The following FREM1 variants were observed in gnomAD, a reference collection of about 807,000 sequenced individuals.
FREM1 encodes FRAS1 related extracellular matrix 1, also known as FRAS1-related extracellular matrix protein 1.
A neutral mutation model predicts 210.1 loss-of-function variants in FREM1; 220 were observed. The ratio of observed to expected loss-of-function variants is 1.05; its 90% CI spans 0.94 to 1.17. FREM1 has a LOEUF of 1.17. Among genes scored for constraint, FREM1 ranks in the 50% most tolerant of loss-of-function variants. The pLI, the probability that FREM1 is intolerant of heterozygous loss-of-function variation, is 0.00. For missense variants in FREM1, 3,454 were observed against 2,675.5 expected, an observed-to-expected ratio of 1.29 and a Z score of -6.42; for synonymous variants, 1,189 against 980.2, an observed-to-expected ratio of 1.21 and a Z score of -3.98.
At chr9:14,802,022 G>T in intron 19 of FREM1, 148 bp from the exon 20 acceptor site, 2 of 555,196 alleles carry the variant, frequency 3.6e-6, no homozygotes, top group Middle Eastern at 4.7e-4. Flanking sequence ...AGAAATTGCT[G>T]GTTTAATATG....
Position 14,746,430 on chromosome 9 carries a change from C to G in FREM1, c.6177G>C (p.Gln2059His). Residue 2059 changes from glutamine to histidine, a missense_variant, in exon 35 of 37, where the codon CAG (glutamine) becomes CAC (histidine). Transcript: ENST00000380880. ...TCAAGATGTGACAGTAGCCTGAGTGCTGGTGCCACCCGGCTGGACAGGATT... is the reference window on the plus strand; with the variant it reads ...TCAAGATGTGACAGTAGCCTGAGTGGTGGTGCCACCCGGCTGGACAGGATT... ...EDKSCPAGWH[Q>H]HSGYCHILIT... 1 of 1,613,660 alleles carries G rather than the reference C, an allele frequency of 6.2e-7. No individual in the cohort carries two copies. Among genetic ancestry groups the G allele is most frequent in the Middle Eastern group, 1.7e-4 (1 of 6,050 alleles).
chr9:14,882,024 G>C lies in FREM1; in HGVS notation c.-267-12780C>G, dbSNP rs58000240. On this transcript the variant is annotated intron_variant, in intron 1 of 36. Coordinates refer to ENST00000380880, the MANE Select transcript of FREM1 (RefSeq NM_001379081.2). ...CCTGGGTCTCTGGGCCATTTGCAAA[G>C]CAGAACCACCATACCAGTCCATTCA... Among the ~76,000 whole-genome samples, 14 of 152,288 alleles carry C rather than the reference G, an allele frequency of 9.2e-5. No homozygotes were observed. The East Asian group carries it at 2.7e-3, about 29-fold the overall frequency.
chr9:14,848,849 C>A, intron 6 of FREM1, 76 bp from the exon 7 acceptor site: 1 of 812,146 alleles, frequency 1.2e-6, no homozygotes. Context: ...TGGGTTATAC[C>A]CACACACAGT....
chr9:14,753,780 T>C (rs1346219648), intron 29 of FREM1, among the ~76,000 whole-genome samples: 1 of 152,216 alleles, frequency 6.6e-6, no homozygotes, highest in Non-Finnish European at 1.5e-5. Flanking sequence ...CATGGAGAAC[T>C]TCAAAATTCT....
At chr9:14,757,042 C>G (rs754430100) in intron 28 of FREM1, among the ~76,000 whole-genome samples, 1 of 150,640 alleles carries the variant, frequency 6.6e-6, no homozygotes, top group Non-Finnish European at 1.5e-5. Context: ...TGGTGAACAA[C>G]CAGACAAAGG....
chr9:14,809,006 C>A (rs1186437705), intron 16 of FREM1, among the ~76,000 whole-genome samples: 6 of 152,206 alleles, frequency 3.9e-5, no homozygotes, highest in Non-Finnish European at 8.8e-5. Context: ...CCGCTCAAAT[C>A]TCATCTTGAA....
chr9:14,751,094 T>C (rs1014976451), intron 29 of FREM1, among the ~76,000 whole-genome samples: 1 of 152,166 alleles, frequency 6.6e-6, no homozygotes, highest in Non-Finnish European at 1.5e-5. Context: ...CCTGACCAGT[T>C]TCTATGATGT....
rs779344194 is a variant in FREM1 at position 14,851,338 on chromosome 9, C to G, written c.1098G>C (p.Met366Ile). The G allele has an allele frequency of 6.2e-7, 1 of 1,610,992 alleles. No homozygotes were observed. Among genetic ancestry groups the G allele is most frequent in the South Asian group, 1.1e-5 (1 of 90,792 alleles). The change falls in exon 6 of 37, where the codon ATG becomes ATC. Residue 366 changes from methionine (M) to isoleucine (I), a missense_variant. Met to Ile is a conservative substitution (Grantham distance 10). Transcript: ENST00000380880. The stretch of plus-strand genomic sequence containing the variant: ...TGTTTGGTGGCTGATAGGCGATCTG[C>G]ATGTCACTGAGATCTTTCCAGGTGA... ...SSFTWKDLSD[M>I]QIAYQPPNSS...
At chr9:14,771,545 T>C (rs1847578779) in intron 25 of FREM1, among the ~76,000 whole-genome samples, 1 of 152,120 alleles carries the variant, frequency 6.6e-6, no homozygotes, top group Admixed American at 6.5e-5. Flanking sequence ...GCTCAGTGCA[T>C]CTTGCATTTG....
chr9:14,769,013 G>A (rs1361794587), intron 27 of FREM1, among the ~76,000 whole-genome samples: 3 of 152,080 alleles, frequency 2.0e-5, no homozygotes, highest in Non-Finnish European at 2.9e-5. Context: ...GACTCTGACC[G>A]ACCTTTCTAT....
intron 1 of FREM1, among the ~76,000 whole-genome samples, chr9:14,897,739 C>T (rs1033910816): frequency 2.0e-5 from 3 of 152,016 alleles, no homozygotes; most frequent in Non-Finnish European, 4.4e-5. Flanking sequence ...TACAGGCACT[C>T]GCCACCATGC....
chr9:14,803,096 TTC>T (rs1311109687), intron 19 of FREM1, among the ~76,000 whole-genome samples: 5 of 144,314 alleles, frequency 3.5e-5, no homozygotes, highest in Non-Finnish European at 7.6e-5. Flanking sequence ...TCCTCTCTTC[TTC>T]TCTTTCCCTC....
chr9:14,892,956 G>A (rs1285434215), intron 1 of FREM1, among the ~76,000 whole-genome samples: 6 of 152,304 alleles, frequency 3.9e-5, no homozygotes, highest in Middle Eastern at 3.4e-3. Flanking sequence ...CCAGCCGGGG[G>A]CACGTTTGAG....
intron 5 of FREM1, among the ~76,000 whole-genome samples, chr9:14,852,521 C>A (rs1343071433): frequency 6.6e-6 from 1 of 152,012 alleles, no homozygotes; most frequent in Admixed American, 6.6e-5. Flanking sequence ...GACCCTATCT[C>A]TACAAAAAAA....
At chr9:14,872,136 G>T (rs1832789267) in intron 1 of FREM1, among the ~76,000 whole-genome samples, 1 of 152,162 alleles carries the variant, frequency 6.6e-6, no homozygotes, top group Admixed American at 6.6e-5. Context: ...GCTTAGGATT[G>T]ACTTGGCAAT....
chr9:14,860,982 C>CACACATAT (rs1830149919), intron 3 of FREM1, among the ~76,000 whole-genome samples: 2 of 95,114 alleles, frequency 2.1e-5, no homozygotes, highest in African/African-American at 5.3e-5. Flanking sequence ...TACATATATA[C>CACACATAT]ACATATATAC....
At chr9:14,779,721 A>C (rs1849337576) in intron 24 of FREM1, among the ~76,000 whole-genome samples, 2 of 152,188 alleles carry the variant, frequency 1.3e-5, no homozygotes, top group African/African-American at 4.8e-5. Flanking sequence ...CATCAGACAG[A>C]TGGGAGTGAG....
At chr9:14,865,320 G>C (rs924983647) in intron 2 of FREM1, among the ~76,000 whole-genome samples, 26 of 152,178 alleles carry the variant, frequency 1.7e-4, no homozygotes, top group African/African-American at 6.3e-4. Flanking sequence ...ATGTGTGAGG[G>C]AGTCTTGTCC....
chr9:14,759,843 T>C lies in FREM1; in HGVS notation c.5263A>G (p.Asn1755Asp). The change falls in exon 28 of 37, where the codon AAT (asparagine) becomes GAT (aspartate). Residue 1755 changes from asparagine (N) to aspartate (D), a missense_variant. Coordinates refer to ENST00000380880, the MANE Select transcript of FREM1 (RefSeq NM_001379081.2). Reference protein sequence around the residue: ...WSQTEYEVCENVGLLPLEIIR... With the variant: ...WSQTEYEVCEDVGLLPLEIIR... ...ATTTCCAAGGGCAACAAACCCACAT[T>C]CTCACAGACTTCATATTCGGTCTGT... 2 of 1,612,578 alleles carry C rather than the reference T, an allele frequency of 1.2e-6. No homozygotes were observed. Among genetic ancestry groups the C allele is most frequent in the Non-Finnish European group, 1.7e-6 (2 of 1,178,956 alleles).
Sources: gnomAD v4.1 joint callset for allele counts (sites outside exome capture counted in the v4.1 genomes callset) on GRCh38, gnomAD v4.1.1 for gene constraint, MANE v1.5 for transcripts, NCBI Gene and HGNC (gene_info 2026-07-23, HGNC 2026-07-21) for gene names.